Variants in POFUT4 observed in about 807,000 individuals in gnomAD.
POFUT4 encodes protein O-fucosyltransferase 4, also known as GDP-fucose protein O-fucosyltransferase 4.
At chr10:73,777,556 CTTTT>C in the POFUT4 span, among the ~76,000 whole-genome samples, 4 of 142,780 alleles carry the variant, frequency 2.8e-5, no homozygotes, top group Non-Finnish European at 3.1e-5. Context: ...TTCCCTATGA[CTTTT>C]TTTTTTTTTT....
chr10:73,777,856 C>T, the POFUT4 span, among the ~76,000 whole-genome samples: 1 of 139,506 alleles, frequency 7.2e-6, no homozygotes, highest in African/African-American at 2.7e-5. Context: ...TGCCCAGGTG[C>T]CCCCACCTTT....
the POFUT4 span, chr10:73,772,952 G>T: frequency 2.5e-6 from 4 of 1,606,586 alleles, no homozygotes; most frequent in Admixed American, 1.7e-5. Flanking sequence ...GCGCCGCCGC[G>T]GCTACGCGCC....
At chr10:73,776,817 C>G in the POFUT4 span, among the ~76,000 whole-genome samples, 12 of 152,190 alleles carry the variant, frequency 7.9e-5, no homozygotes, top group South Asian at 2.5e-3. Flanking sequence ...GTAGCTGGGA[C>G]TACAGGCATG....
the POFUT4 span, chr10:73,774,089 C>T: frequency 2.5e-6 from 1 of 406,736 alleles, no homozygotes; most frequent in Non-Finnish European, 4.4e-6. Context: ...AGTACAGGGC[C>T]TGTGCAGACA....
chr10:73,772,533 C>G, the POFUT4 span: 1 of 1,567,288 alleles, frequency 6.4e-7, no homozygotes. Context: ...ACGCCGCGGC[C>G]AGGGAGGGAG....
At chr10:73,772,294 G>C in the POFUT4 span, 21 of 1,384,834 alleles carry the variant, frequency 1.5e-5, no homozygotes, top group Non-Finnish European at 2.0e-5. Context: ...GCTGGGCGGG[G>C]TCGGTGCTGG....
At chr10:73,772,436 G>A in the POFUT4 span, 1 of 1,567,174 alleles carries the variant, frequency 6.4e-7, no homozygotes. Context: ...GGCCGGCGGG[G>A]AGGCGGAGTG....
At chr10:73,772,638 C>T in the POFUT4 span, 6 of 1,555,538 alleles carry the variant, frequency 3.9e-6, no homozygotes, top group Non-Finnish European at 4.3e-6. Flanking sequence ...GCGCGCGGCG[C>T]GTGCGTGGCG....
At chr10:73,773,740 C>G in the POFUT4 span, 4 of 1,613,946 alleles carry the variant, frequency 2.5e-6, no homozygotes, top group Non-Finnish European at 3.4e-6. Flanking sequence ...CCCCACATTG[C>G]CCAGCCCTCA....
the POFUT4 span, chr10:73,772,356 T>G: frequency 3.7e-5 from 55 of 1,473,252 alleles, no homozygotes; most frequent in East Asian, 1.6e-4. Flanking sequence ...CCCATTAGGG[T>G]GGTGTTGGTC....
the POFUT4 span, chr10:73,772,962 C>G: frequency 6.2e-7 from 1 of 1,605,230 alleles, no homozygotes; most frequent in Admixed American, 1.7e-5. Flanking sequence ...GGCTACGCGC[C>G]GCTGCTCTAT....
At chr10:73,773,410 CTG>C in the POFUT4 span, 2 of 1,614,244 alleles carry the variant, frequency 1.2e-6, no homozygotes, top group Non-Finnish European at 1.7e-6. Context: ...GGTTCTCCCT[CTG>C]TGAGGGACTG....
At chr10:73,772,988 G>A in the POFUT4 span, 2 of 1,597,460 alleles carry the variant, frequency 1.3e-6, no homozygotes, top group Non-Finnish European at 1.7e-6. Flanking sequence ...GTCACACTGC[G>A]ACGTGCCAGC....
chr10:73,779,415 T>G, the POFUT4 span: 1 of 151,990 alleles, frequency 6.6e-6, no homozygotes, highest in African/African-American at 2.4e-5. Flanking sequence ...AATACAAAAT[T>G]AGCTGGGCGT....
the POFUT4 span, chr10:73,773,887 A>C: frequency 6.8e-7 from 1 of 1,477,386 alleles, no homozygotes; most frequent in Non-Finnish European, 9.0e-7. Flanking sequence ...ATTAAGTAGC[A>C]CTAGGTGCTG....
the POFUT4 span, among the ~76,000 whole-genome samples, chr10:73,777,992 G>A: frequency 6.6e-6 from 1 of 151,350 alleles, no homozygotes; most frequent in Admixed American, 6.6e-5. Context: ...CCAGAGTGGT[G>A]GGATTACAGG....
the POFUT4 span, chr10:73,773,766 G>T: frequency 6.2e-7 from 1 of 1,605,300 alleles, no homozygotes; most frequent in South Asian, 1.1e-5. Flanking sequence ...GGACTGCCCA[G>T]TGCCCACACC....
the POFUT4 span, chr10:73,775,851 A>G: frequency 1.4e-6 from 1 of 690,742 alleles, no homozygotes; most frequent in Non-Finnish European, 2.4e-6. Flanking sequence ...TGAGTAGCCA[A>G]GGTCTAACAT....
chr10:73,774,922 T>C, the POFUT4 span: 1 of 167,076 alleles, frequency 6.0e-6, no homozygotes, highest in Admixed American at 5.7e-5. Context: ...GAAACCGACT[T>C]GGACAGTGGA....
Sources: allele counts gnomAD v4.1 joint callset (sites outside exome capture counted in the v4.1 genomes callset), GRCh38; gene constraint gnomAD v4.1.1; transcripts MANE v1.5; gene names NCBI Gene and HGNC (gene_info 2026-07-23, HGNC 2026-07-21).